Variants in RNF216 observed in about 807,000 individuals in gnomAD.
RNF216 encodes E3 ubiquitin-protein ligase RNF216.
RNF216 carries 72 observed loss-of-function variants against 110.8 expected under a neutral mutation model. That is an observed-to-expected ratio of 0.65 (90% CI 0.54 to 0.79). RNF216 has a LOEUF of 0.79. RNF216 is among the 30% of genes least tolerant of loss of function. RNF216 has a pLI of 0.00. For missense variants in RNF216, 1,342 were observed against 1,141.2 expected (o/e 1.18, Z -2.54); for synonymous variants, 495 against 407.5 (o/e 1.21, Z -2.59).
chr7:5,627,221 C>T (rs1262592849), intron 15 of RNF216, among the ~76,000 whole-genome samples: 3 of 152,190 alleles, frequency 2.0e-5, no homozygotes, highest in Non-Finnish European at 4.4e-5. Flanking sequence ...CAAACACACA[C>T]ACCGGGCCAC....
chr7:5,775,741 C>T (rs923213195), intron 1 of RNF216, among the ~76,000 whole-genome samples: 1 of 151,958 alleles, frequency 6.6e-6, no homozygotes, highest in African/African-American at 2.4e-5. Context: ...TGGTTGCAGG[C>T]ACCTGTAGTC....
chr7:5,742,229 G>T (rs4724717), intron 3 of RNF216, among the ~76,000 whole-genome samples: 152,231 of 152,236 alleles, frequency 1, 76,113 homozygotes, highest in Middle Eastern at 1. Flanking sequence ...GTGTTTCTAA[G>T]AGAGATGGGG....
chr7:5,728,096 C>T (rs1363008306), intron 7 of RNF216, among the ~76,000 whole-genome samples: 1 of 152,102 alleles, frequency 6.6e-6, no homozygotes, highest in Non-Finnish European at 1.5e-5. Flanking sequence ...TATTTCTCTC[C>T]AAAGCAGATG....
chr7:5,652,269 G>A lies in RNF216; in HGVS notation c.2159+144C>T, dbSNP rs531239928. ...CAGAGATGAGGAAACAGAGGCTCAA[G>A]GGTTAGATTACTTCCCCAAGATCAC... On this transcript the variant is annotated intron_variant, in intron 14 of 16. Coordinates refer to ENST00000389902, the MANE Select transcript of RNF216 (RefSeq NM_207111.4). The A allele has an allele frequency of 3.6e-5, 22 of 615,748 alleles. 1 individual carries two copies. Among genetic ancestry groups the A allele is most frequent in the South Asian group, 2.9e-4 (15 of 52,148 alleles). The allele number at this position is 615,748 out of a possible 1,614,324, so 38.1% of individuals were successfully genotyped here. A position where few individuals can be genotyped will look rare whatever the true frequency, so the allele number is the denominator to read the frequency against.
rs1168463360 is a variant in RNF216 at position 5,660,943 on chromosome 7, G to GTTTTTTT, written c.2062-8440_2062-8434dup. 2.2e-4 allele frequency among the ~76,000 whole-genome samples: 20 copies of GTTTTTTT among 90,160 alleles called. 1 individual carries two copies. Among genetic ancestry groups the GTTTTTTT allele is most frequent in the African/African-American group, 8.2e-4 (15 of 18,244 alleles). 59.1% of individuals were successfully genotyped at this position (90,160 alleles called of 152,430 possible). A position where few individuals can be genotyped will look rare whatever the true frequency, so the allele number is the denominator to read the frequency against. On this transcript the variant is annotated intron_variant, in intron 13 of 16. Coordinates refer to ENST00000389902, the MANE Select transcript of RNF216 (RefSeq NM_207111.4). ...TAGCTCCATGCTCCTGAAGCCTTAG[G>GTTTTTTT]TTTTTTTTTTTTTTTTTTTTTTTTT...
At chr7:5,641,844 G>C (rs1787750996) in intron 14 of RNF216, among the ~76,000 whole-genome samples, 2 of 151,900 alleles carry the variant, frequency 1.3e-5, no homozygotes, top group East Asian at 3.9e-4. Flanking sequence ...AGACCAGCCT[G>C]ACCAACATGG....
intron 13 of RNF216, among the ~76,000 whole-genome samples, chr7:5,688,404 A>G (rs1791118060): frequency 6.6e-6 from 1 of 152,192 alleles, no homozygotes; most frequent in Admixed American, 6.5e-5. Context: ...TTCTATCCTA[A>G]AGCTTTTTAA....
intron 13 of RNF216, among the ~76,000 whole-genome samples, chr7:5,695,908 C>A (rs982928633): frequency 1.3e-5 from 2 of 152,220 alleles, no homozygotes; most frequent in Non-Finnish European, 2.9e-5. Flanking sequence ...AAAGACTAAG[C>A]AGAGGTGCCA....
intron 13 of RNF216, among the ~76,000 whole-genome samples, chr7:5,660,123 GTTATT>G (rs1562799045): frequency 6.6e-6 from 1 of 151,058 alleles, no homozygotes; most frequent in African/African-American, 2.4e-5. Context: ...GCTAAATTTT[GTTATT>G]TTATTTGTAC....
intron 1 of RNF216, among the ~76,000 whole-genome samples, chr7:5,762,452 T>C (rs995967647): frequency 2.0e-5 from 3 of 151,798 alleles, no homozygotes; most frequent in African/African-American, 7.3e-5. Context: ...GGTCAGGAGA[T>C]TGAGACCATC....
intron 13 of RNF216, among the ~76,000 whole-genome samples, chr7:5,669,079 A>T (rs1343336657): frequency 6.6e-6 from 1 of 152,186 alleles, no homozygotes; most frequent in Non-Finnish European, 1.5e-5. Flanking sequence ...GCAGGTGGCT[A>T]CAGATGGCCC....
intron 13 of RNF216, among the ~76,000 whole-genome samples, chr7:5,656,544 A>G (rs1788756510): frequency 6.6e-6 from 1 of 152,142 alleles, no homozygotes; most frequent in African/African-American, 2.4e-5. Flanking sequence ...TAAGCAGGCA[A>G]GCAGCTCCCG....
chr7:5,698,780 G>A (rs1791789311), intron 13 of RNF216, among the ~76,000 whole-genome samples: 1 of 152,146 alleles, frequency 6.6e-6, no homozygotes, highest in Non-Finnish European at 1.5e-5. Context: ...GAAGAATCTT[G>A]TGCAGAGAAA....
In RNF216 at chr7:5,624,969, G is replaced by A. The variant is rs552633927; in HGVS notation, c.2383-844C>T. On this transcript the variant is annotated intron_variant, in intron 15 of 16. Coordinates refer to ENST00000389902, the MANE Select transcript of RNF216 (RefSeq NM_207111.4). The surrounding 1 kb of genome is among the most constrained non-coding windows in gnomAD (Gnocchi z 4.4). ...CCGTGATGCCTGCTTCATGAGTGGC[G>A]CTTACCTTAACCCCCCTCCTCAGTG... Among the ~76,000 whole-genome samples, 2 of 152,202 alleles carry A rather than the reference G, an allele frequency of 1.3e-5. No individual in the cohort carries two copies. The highest frequency in any genetic ancestry group is 1.9e-4 in the East Asian group (1 of 5,182).
At chr7:5,750,321 G>A (rs1795264786) in intron 3 of RNF216, among the ~76,000 whole-genome samples, 1 of 152,162 alleles carries the variant, frequency 6.6e-6, no homozygotes, top group Admixed American at 6.5e-5. Flanking sequence ...TCCTAGCAGA[G>A]ACATTTTTTA....
intron 1 of RNF216, among the ~76,000 whole-genome samples, chr7:5,774,695 C>G (rs1273523482): frequency 6.6e-6 from 1 of 151,210 alleles, no homozygotes; most frequent in East Asian, 1.9e-4. Flanking sequence ...ACAGGAAATG[C>G]AGTGCTTATT....
At chr7:5,683,920 G>T (rs564990995) in intron 13 of RNF216, among the ~76,000 whole-genome samples, 4 of 152,066 alleles carry the variant, frequency 2.6e-5, no homozygotes, top group African/African-American at 9.7e-5. Context: ...GAATAGGGAC[G>T]GGCATCACTT....
At chr7:5,772,797 G>A (rs1431351378) in intron 1 of RNF216, among the ~76,000 whole-genome samples, 1 of 130,440 alleles carries the variant, frequency 7.7e-6, no homozygotes, top group African/African-American at 2.9e-5. Flanking sequence ...TTTTTTTTGA[G>A]ACAGAGTTTC....
chr7:5,739,206 G>A, intron 5 of RNF216, 70 bp downstream of exon 5: 1 of 1,418,006 alleles, frequency 7.1e-7, no homozygotes, highest in East Asian at 2.6e-5. Context: ...GATTAAAATG[G>A]TAAATTTTTT....
Sources: allele counts gnomAD v4.1 joint callset (sites outside exome capture counted in the v4.1 genomes callset), GRCh38; gene constraint gnomAD v4.1.1; non-coding constraint Gnocchi (gnomAD v3.1); transcripts MANE v1.5; gene names NCBI Gene and HGNC (gene_info 2026-07-23, HGNC 2026-07-21).